The following FAM76A variants were observed in gnomAD, a reference collection of about 807,000 sequenced individuals.
FAM76A encodes the protein protein FAM76A.
A neutral mutation model predicts 46.2 loss-of-function variants in FAM76A; 32 were observed. The observed-to-expected ratio is 0.69, with a 90% CI of 0.52 to 0.93. The LOEUF (loss-of-function observed/expected upper bound fraction) is 0.93, where lower values mean the gene tolerates loss of function less well. Among genes scored for constraint, FAM76A ranks in the 40% least tolerant of loss-of-function variants. FAM76A has a pLI of 0.00. For synonymous variants in FAM76A, 137 were observed against 127.0 expected, an observed-to-expected ratio of 1.08 and a Z score of -0.53; for missense variants, 274 against 361.5, an observed-to-expected ratio of 0.76 and a Z score of 1.96.
Position 27,762,178 on chromosome 1 carries a change from T to C in FAM76A, c.*1597T>C, listed in dbSNP as rs2088520745. 1 of 152,168 alleles carries C rather than the reference T, an allele frequency of 6.6e-6. No individual in the cohort carries two copies. The highest frequency in any genetic ancestry group is 2.1e-4 in the South Asian group (1 of 4,834). The allele number at this position is 152,168 out of a possible 1,614,324, so 9.4% of individuals were successfully genotyped here. A position where few individuals can be genotyped will look rare whatever the true frequency, so the allele number is the denominator to read the frequency against. The stretch of plus-strand genomic sequence containing the variant: ...AAGCACTTTGCCTCAACCAGAGTTA[T>C]GTATGCCCTGCCTATCTTCCCTTCT... On this transcript the variant is annotated 3_prime_UTR_variant, in exon 9 of 9. Transcript: ENST00000373954.
At chr1:27,735,023 C>T (rs2148569038) in intron 4 of FAM76A, among the ~76,000 whole-genome samples, 1 of 152,326 alleles carries the variant, frequency 6.6e-6, no homozygotes, top group East Asian at 1.9e-4. Context: ...CTTCTATGGC[C>T]TGCAAGGCCC....
chr1:27,753,407 GC>G, intron 6 of FAM76A, among the ~76,000 whole-genome samples: 1 of 152,184 alleles, frequency 6.6e-6, no homozygotes, highest in African/African-American at 2.4e-5. Flanking sequence ...CAGGTCCTTA[GC>G]AGGTATTGAA....
At position 27,755,227 on chromosome 1, in the gene FAM76A, G is replaced by T. The variant is rs545289254; in HGVS notation, c.632G>T (p.Gly211Val). 1.9e-6 allele frequency: 3 copies of T among 1,614,126 alleles called. No homozygotes were observed. The highest frequency in any genetic ancestry group is 2.5e-6 in the Non-Finnish European group (3 of 1,180,016). The change falls in exon 7 of 9, where the codon GGC becomes GTC. Residue 211 changes from glycine (G) to valine (V), a missense_variant. By Grantham distance (109) the Gly-to-Val change is moderately radical. Coordinates refer to ENST00000373954, the MANE Select transcript of FAM76A (RefSeq NM_152660.3). The stretch of plus-strand genomic sequence containing the variant: ...CCAGACCTGGCTCTGGACTCACCAG[G>T]CACTGACCACTTTGTCATCATTGCC... Reference protein sequence around the residue: ...FSPDLALDSPGTDHFVIIAQL... With the variant: ...FSPDLALDSPVTDHFVIIAQL...
At chr1:27,746,498 G>A (rs918299679) in intron 5 of FAM76A, among the ~76,000 whole-genome samples, 9 of 152,120 alleles carry the variant, frequency 5.9e-5, no homozygotes, top group African/African-American at 1.7e-4. Flanking sequence ...CAAGGCGGGC[G>A]CATCACAAGG....
At chr1:27,745,452 TTTTG>T (rs1009152499) in intron 5 of FAM76A, among the ~76,000 whole-genome samples, 118 of 152,322 alleles carry the variant, frequency 7.7e-4, no homozygotes, top group African/African-American at 1.5e-3. Flanking sequence ...TTTCAGGTTT[TTTTG>T]TTTGTTTGTT....
chr1:27,748,999 G>T, intron 5 of FAM76A, 69 bp from the exon 6 acceptor site: 1 of 1,028,684 alleles, frequency 9.7e-7, no homozygotes, highest in Non-Finnish European at 1.4e-6. Context: ...CTATTTGACA[G>T]ACTTTCATTG....
intron 4 of FAM76A, among the ~76,000 whole-genome samples, chr1:27,734,559 C>CA (rs758334609): frequency 2.1e-3 from 317 of 152,096 alleles, no homozygotes; most frequent in Middle Eastern, 3.4e-3. Flanking sequence ...AACAAAAAAA[C>CA]AAAAAAACAC....
chr1:27,751,269 C>T (rs766012209), intron 6 of FAM76A, among the ~76,000 whole-genome samples: 2 of 151,986 alleles, frequency 1.3e-5, no homozygotes, highest in African/African-American at 4.8e-5. Flanking sequence ...ATTTTCATAC[C>T]CATTTAAAAT....
At chr1:27,728,251 A>G (rs756776994) in intron 2 of FAM76A, among the ~76,000 whole-genome samples, 1 of 152,254 alleles carries the variant, frequency 6.6e-6, no homozygotes, top group Non-Finnish European at 1.5e-5. Context: ...TGAAGAATTT[A>G]TAAGCCCAAA....
intron 4 of FAM76A, among the ~76,000 whole-genome samples, chr1:27,735,371 G>C (rs2088027359): frequency 6.6e-6 from 1 of 152,176 alleles, no homozygotes; most frequent in Non-Finnish European, 1.5e-5. Context: ...TGAGCTCTTT[G>C]TCCATCTCGT....
intron 4 of FAM76A, among the ~76,000 whole-genome samples, chr1:27,738,070 G>A (rs2088086038): frequency 6.6e-6 from 1 of 151,322 alleles, no homozygotes. Flanking sequence ...AATAAAATTA[G>A]GTCTTCAAGC....
intron 6 of FAM76A, among the ~76,000 whole-genome samples, chr1:27,750,149 C>T (rs138604724): frequency 6.6e-6 from 1 of 152,280 alleles, no homozygotes; most frequent in South Asian, 2.1e-4. Flanking sequence ...ATTCACAGTT[C>T]TCCTTCCCAG....
At chr1:27,740,540 G>A in intron 4 of FAM76A, 5 of 1,271,850 alleles carry the variant, frequency 3.9e-6, no homozygotes, top group Non-Finnish European at 5.7e-6. Flanking sequence ...TGGAAGCGTT[G>A]TTATGAGGAG....
chr1:27,732,134 A>G (rs2087968045), intron 2 of FAM76A, among the ~76,000 whole-genome samples: 1 of 152,152 alleles, frequency 6.6e-6, no homozygotes, highest in African/African-American at 2.4e-5. Context: ...ATAATAATTA[A>G]AAGAGTTATT....
chr1:27,744,284 A>G (rs990428391), intron 4 of FAM76A, among the ~76,000 whole-genome samples: 2 of 151,980 alleles, frequency 1.3e-5, no homozygotes, highest in South Asian at 4.1e-4. Context: ...GCACGACACT[A>G]TGCCTGGCTA....
intron 2 of FAM76A, among the ~76,000 whole-genome samples, chr1:27,730,835 T>TGA (rs2148565420): frequency 6.6e-6 from 1 of 152,250 alleles, no homozygotes; most frequent in African/African-American, 2.4e-5. Flanking sequence ...TGTGTGTGTG[T>TGA]GACAGGGTCT....
At chr1:27,746,294 C>T (rs1359589863) in intron 5 of FAM76A, among the ~76,000 whole-genome samples, 2 of 151,942 alleles carry the variant, frequency 1.3e-5, no homozygotes. Flanking sequence ...ATAGATAGAG[C>T]CTTAACTGAG....
chr1:27,758,483 GAGAT>G (rs1464378483), intron 7 of FAM76A, among the ~76,000 whole-genome samples: 1 of 152,052 alleles, frequency 6.6e-6, no homozygotes, highest in Non-Finnish European at 1.5e-5. Flanking sequence ...CTGCTTTGCA[GAGAT>G]AGTTTTTATT....
At chr1:27,748,508 G>A (rs149797641) in intron 5 of FAM76A, among the ~76,000 whole-genome samples, 1 of 146,478 alleles carries the variant, frequency 6.8e-6, no homozygotes, top group African/African-American at 2.5e-5. Context: ...GTCTCGCCAG[G>A]CTGGAGTGCA....
Sources: gnomAD v4.1 joint callset for allele counts (sites outside exome capture counted in the v4.1 genomes callset) on GRCh38, gnomAD v4.1.1 for gene constraint, MANE v1.5 for transcripts, NCBI Gene and HGNC (gene_info 2026-07-23, HGNC 2026-07-21) for gene names.